The following CFTR variants were observed in gnomAD, a reference collection of about 807,000 sequenced individuals.
CFTR encodes the protein CF transmembrane conductance regulator, also known as cystic fibrosis transmembrane conductance regulator.
CFTR carries 181 observed loss-of-function variants against 171.6 expected under a neutral mutation model. The observed-to-expected ratio is 1.05, with a 90% confidence interval of 0.93 to 1.19. The LOEUF (loss-of-function observed/expected upper bound fraction) is 1.19, where lower values mean the gene tolerates loss of function less well. Among genes scored for constraint, CFTR ranks in the 50% most tolerant of loss-of-function variants. The pLI, the probability that CFTR is intolerant of heterozygous loss-of-function variation, is 0.00. For missense variants in CFTR, 1,968 were observed against 1,734.7 expected (o/e 1.13, Z -2.39); for synonymous variants, 583 against 608.0 (o/e 0.96, Z 0.60).
At chr7:117,528,041 G>T (rs969868459) in intron 3 of CFTR, among the ~76,000 whole-genome samples, 4 of 134,900 alleles carry the variant, frequency 3.0e-5, no homozygotes, top group Admixed American at 2.4e-4. Flanking sequence ...AACCAAAAAA[G>T]AGCCCGCATC....
intron 16 of CFTR, 140 bp downstream of exon 16, chr7:117,603,003 T>C (rs530962794): frequency 2.2e-6 from 2 of 891,620 alleles, no homozygotes; most frequent in Non-Finnish European, 3.8e-6. Flanking sequence ...ATAAGGTTTT[T>C]TGTTTAAATG....
chr7:117,591,929 TA>T lies in CFTR; in HGVS notation c.1767-2del. 2 of 1,553,244 alleles carry T rather than the reference TA, an allele frequency of 1.3e-6. No individual in the cohort carries two copies. Among genetic ancestry groups the T allele is most frequent in the Non-Finnish European group, 1.8e-6 (2 of 1,141,462 alleles). ...TTGATATTTATATGTTTTTATATCT[TA>T]AAGCTGTGTCTGTAAACTGATGGCT... is the stretch of plus-strand genomic sequence containing the variant. On this transcript the variant is annotated splice_polypyrimidine_tract_variant and splice_region_variant and intron_variant, in intron 13 of 26. Coordinates refer to ENST00000003084, the MANE Select transcript of CFTR (RefSeq NM_000492.4).
At chr7:117,614,415 G>C (rs1792451787) in intron 20 of CFTR, among the ~76,000 whole-genome samples, 198 bp from the exon 21 acceptor site, 1 of 152,070 alleles carries the variant, frequency 6.6e-6, no homozygotes, top group African/African-American at 2.4e-5. Context: ...TTAAAATCCT[G>C]GTTGAATACT....
chr7:117,600,862 TACTC>T (rs1792213155), intron 15 of CFTR, among the ~76,000 whole-genome samples: 1 of 152,114 alleles, frequency 6.6e-6, no homozygotes, highest in African/African-American at 2.4e-5. Context: ...AGAACTTGCT[TACTC>T]AATTGCTTCT....
chr7:117,504,603 A>T (rs1231899025), intron 2 of CFTR, among the ~76,000 whole-genome samples: 1 of 152,100 alleles, frequency 6.6e-6, no homozygotes, highest in Admixed American at 6.5e-5. Context: ...AAAATAAAAA[A>T]GTTAGCTGGG....
Position 117,667,119 on chromosome 7 carries a change from A to G in CFTR, c.*11A>G, listed in dbSNP as rs755673570. 1.9e-6 allele frequency: 3 copies of G among 1,611,888 alleles called. No homozygotes were observed. The highest frequency in any genetic ancestry group is 2.2e-5 in the South Asian group (2 of 90,956). On this transcript the variant is annotated 3_prime_UTR_variant, in exon 27 of 27. Transcript: ENST00000003084. ...GATACAAGGCTTTAGAGAGCAGCAT[A>G]AATGTTGACATGGGACATTTGCTCA...
chr7:117,539,052 C>G (rs11770751), intron 7 of CFTR, among the ~76,000 whole-genome samples: 1 of 152,142 alleles, frequency 6.6e-6, no homozygotes, highest in Non-Finnish European at 1.5e-5. Flanking sequence ...CCCACATGCA[C>G]TATGCCATGG....
Position 117,480,054 on chromosome 7 carries a change from G to GA in CFTR, c.-41_-40insA. On this transcript the variant is annotated 5_prime_UTR_variant, in exon 1 of 27. Transcript: ENST00000003084. ...TAGGTCTTTGGCATTAGGAGCTTGAGCCCAGACGGCCCTAGCAGGGACCCC... is the reference window on the plus strand; with the variant it reads ...TAGGTCTTTGGCATTAGGAGCTTGAGACCCAGACGGCCCTAGCAGGGACCCC... 6.2e-7 allele frequency: 1 copy of GA among 1,605,162 alleles called. No homozygotes were observed. The highest frequency in any genetic ancestry group is 1.1e-5 in the South Asian group (1 of 90,918).
chr7:117,548,065 A>C (rs532738831), intron 9 of CFTR, among the ~76,000 whole-genome samples: 3 of 152,284 alleles, frequency 2.0e-5, no homozygotes, highest in African/African-American at 7.2e-5. Flanking sequence ...TGTGAAATGA[A>C]TTCATTTGAA....
chr7:117,606,676 G>A lies in CFTR; in HGVS notation c.2911G>A (p.Gly971Arg). Residue 971 changes from glycine to arginine, a missense_variant and splice_region_variant, in exon 18 of 27, where the codon GGG becomes AGG. Transcript: ENST00000003084. ...MSTLNTLKAGGILNRFSKDIA... is the reference protein window; with the variant it reads ...MSTLNTLKAGRILNRFSKDIA... The stretch of plus-strand genomic sequence containing the variant: ...ATTTGTCATCTTGTATATTATAGGT[G>A]GGATTCTTAATAGATTCTCCAAAGA... The A allele has an allele frequency of 6.6e-7, 1 of 1,525,448 alleles. No individual in the cohort carries two copies. Among genetic ancestry groups the A allele is most frequent in the South Asian group, 1.1e-5 (1 of 89,160 alleles). 94.5% of individuals were successfully genotyped at this position (1,525,448 alleles called of 1,614,324 possible). A position where few individuals can be genotyped will look rare whatever the true frequency, so the allele number is the denominator to read the frequency against.
At chr7:117,662,165 AG>A (rs1793300866) in intron 24 of CFTR, among the ~76,000 whole-genome samples, 1 of 152,158 alleles carries the variant, frequency 6.6e-6, no homozygotes, top group Non-Finnish European at 1.5e-5. Context: ...GCAGAGCTTA[AG>A]CCAGTGCTCA....
Position 117,587,755 on chromosome 7 carries a change from C to A in CFTR, c.1601C>A (p.Ala534Glu), listed in dbSNP as rs387906368. 1.1e-5 allele frequency: 17 copies of A among 1,607,338 alleles called. No individual in the cohort carries two copies. Among genetic ancestry groups the A allele is most frequent in the Admixed American group, 8.3e-5 (5 of 59,884 alleles). The change falls in exon 12 of 27, where the codon GCA becomes GAA. Residue 534 changes from alanine to glutamate, a missense_variant. Physicochemically the swap from Ala to Glu is moderately radical, Grantham distance 107. Coordinates refer to ENST00000003084, the MANE Select transcript of CFTR (RefSeq NM_000492.4). ...CQLEEDISKF[A>E]EKDNIVLGEG... ...TGGTAATAGGACATCTCCAAGTTTGCAGAGAAAGACAATATAGTTCTTGGA... is the reference window on the plus strand; with the variant it reads ...TGGTAATAGGACATCTCCAAGTTTGAAGAGAAAGACAATATAGTTCTTGGA...
chr7:117,480,826 T>G (rs1405002031), intron 1 of CFTR, among the ~76,000 whole-genome samples: 1 of 152,220 alleles, frequency 6.6e-6, no homozygotes, highest in African/African-American at 2.4e-5. Context: ...TAGCCTAATG[T>G]GATGAGCCAC....
chr7:117,548,494 A>G (rs941649278), intron 9 of CFTR, 147 bp from the exon 10 acceptor site: 20 of 1,424,664 alleles, frequency 1.4e-5, no homozygotes, highest in Admixed American at 4.6e-5. Context: ...TATGTACTAT[A>G]AAGTAATAAT....
chr7:117,597,942 A>G (rs1434252301), intron 15 of CFTR, among the ~76,000 whole-genome samples: 1 of 152,116 alleles, frequency 6.6e-6, no homozygotes, highest in East Asian at 1.9e-4. Context: ...GCAGCCACAT[A>G]AATGCTTAAA....
Position 117,531,136 on chromosome 7 carries a change from C to T in CFTR, c.489+22C>T, listed in dbSNP as rs769423740. The T allele has an allele frequency of 5.9e-6, 9 of 1,534,910 alleles. No individual in the cohort carries two copies. In the East Asian group the frequency reaches 1.6e-4, roughly 27 times the overall value. On this transcript the variant is annotated intron_variant, in intron 4 of 26. Coordinates refer to ENST00000003084, the MANE Select transcript of CFTR (RefSeq NM_000492.4). ...GAAGGTAATACTTCCTTGCACAGGC[C>T]CCATGGCACATATATTCTGTATCGT...
chr7:117,601,519 T>A (rs964636643), intron 15 of CFTR, among the ~76,000 whole-genome samples: 6 of 152,130 alleles, frequency 3.9e-5, no homozygotes, highest in East Asian at 1.9e-4. Context: ...GGTTTTTTTT[T>A]ATATAAACTT....
chr7:117,603,823 A>T (rs1265599579), intron 17 of CFTR, 41 bp downstream of exon 17: 1 of 1,608,030 alleles, frequency 6.2e-7, no homozygotes. Flanking sequence ...CTGATCCACC[A>T]TCAATAGGGC....
rs1225964754 is a variant in CFTR, at chr7:117,530,919, G to A, written c.294G>A (p.Gln98=). 4.3e-6 allele frequency: 7 copies of A among 1,612,742 alleles called. No individual in the cohort carries two copies. Among genetic ancestry groups the A allele is most frequent in the Non-Finnish European group, 5.9e-6 (7 of 1,179,250 alleles). ...LYLGEVTKAV[Q]PLLLGRIIAS... ...TGTAGGAAGTCACCAAAGCAGTACA[G>A]CCTCTCTTACTGGGAAGAATCATAG... Residue 98 remains glutamine (Q), a synonymous_variant, in exon 4 of 27, where the codon CAG becomes CAA. Transcript: ENST00000003084.
Sources: gnomAD v4.1 joint callset for allele counts (sites outside exome capture counted in the v4.1 genomes callset) on GRCh38, gnomAD v4.1.1 for gene constraint, MANE v1.5 for transcripts, NCBI Gene and HGNC (gene_info 2026-07-23, HGNC 2026-07-21) for gene names.